Variants in FAXC observed in about 807,000 individuals in gnomAD.
FAXC encodes failed axon connections homolog.
FAXC carries 10 observed loss-of-function variants against 41.9 expected under a neutral mutation model. The observed-to-expected ratio is 0.24, with a 90% confidence interval of 0.15 to 0.41. The LOEUF is 0.41. FAXC is among the 10% of genes least tolerant of loss of function. The pLI, the probability that FAXC is intolerant of heterozygous loss-of-function variation, is 1.00. For missense variants in FAXC, 399 were observed against 510.9 expected (o/e 0.78, Z 2.11); for synonymous variants, 183 against 183.8 (o/e 1.00, Z 0.03).
At chr6:99,319,398 CAAA>C (rs57370118) in intron 4 of FAXC, among the ~76,000 whole-genome samples, 4 of 47,680 alleles carry the variant, frequency 8.4e-5, no homozygotes, top group Non-Finnish European at 9.6e-5. Context: ...GACTCCGTCT[CAAA>C]AAAAAAAAAA....
intron 1 of FAXC, among the ~76,000 whole-genome samples, chr6:99,345,841 C>T (rs542794582): frequency 1.3e-5 from 2 of 152,298 alleles, no homozygotes; most frequent in East Asian, 3.9e-4. Context: ...AGATAGCTGC[C>T]AAGCTATCTC....
At chr6:99,345,626 C>A (rs900482834) in intron 1 of FAXC, among the ~76,000 whole-genome samples, 1 of 152,146 alleles carries the variant, frequency 6.6e-6, no homozygotes, top group Non-Finnish European at 1.5e-5. Flanking sequence ...CTACTATTCC[C>A]GGGGCTAACG....
In FAXC at chr6:99,290,808, T is replaced by A. The variant is rs116729752; in HGVS notation, c.940+896A>T. ...GTCTTGAATTTTTTAGCTCTACTAGTTTTGCTTTTTTTTTTTAATTTAAGA... is the reference window on the plus strand; with the variant it reads ...GTCTTGAATTTTTTAGCTCTACTAGATTTGCTTTTTTTTTTTAATTTAAGA... On this transcript the variant is annotated intron_variant, in intron 5 of 5. Coordinates refer to ENST00000389677, the MANE Select transcript of FAXC (RefSeq NM_032511.4). Among the ~76,000 whole-genome samples the A allele has an allele frequency of 6.4e-3, 967 of 151,690 alleles. 8 individuals are homozygous for A. The highest frequency in any genetic ancestry group is 0.023 in the African/African-American group (947 of 41,360).
chr6:99,314,058 A>C (rs1772244256), intron 4 of FAXC, among the ~76,000 whole-genome samples: 1 of 152,124 alleles, frequency 6.6e-6, no homozygotes, highest in Non-Finnish European at 1.5e-5. Context: ...GGCTATTCAC[A>C]GTTGTAATCA....
At chr6:99,330,513 G>C (rs1185725658) in intron 3 of FAXC, among the ~76,000 whole-genome samples, 1 of 152,196 alleles carries the variant, frequency 6.6e-6, no homozygotes, top group Non-Finnish European at 1.5e-5. Context: ...AGCTGAGTGT[G>C]TTTATTTGAA....
chr6:99,347,107 T>TAA (rs71021726), intron 1 of FAXC, among the ~76,000 whole-genome samples: 1 of 149,462 alleles, frequency 6.7e-6, no homozygotes, highest in Non-Finnish European at 1.5e-5. Flanking sequence ...ACAAAAAAGT[T>TAA]AAAAAAAAAA....
Position 99,273,290 on chromosome 6 carries a change from AG to A in FAXC, c.*7873del, listed in dbSNP as rs1436736170. On this transcript the variant is annotated 3_prime_UTR_variant, in exon 6 of 6. Coordinates refer to ENST00000389677, the MANE Select transcript of FAXC (RefSeq NM_032511.4). Reference sequence around the variant, plus strand: ...TTCCTATCTCAGATACCTAAAAATAAGTCTGCACATCTTCCACACATTTGAA... The same window carrying A: ...TTCCTATCTCAGATACCTAAAAATAATCTGCACATCTTCCACACATTTGAA... 6.6e-6 allele frequency: 1 copy of A among 152,092 alleles called. No individual in the cohort carries two copies. The highest frequency in any genetic ancestry group is 1.5e-5 in the Non-Finnish European group (1 of 68,032). 9.4% of individuals were successfully genotyped at this position (152,092 alleles called of 1,614,324 possible).
intron 5 of FAXC, among the ~76,000 whole-genome samples, chr6:99,287,805 G>C (rs1434232843): frequency 6.6e-6 from 1 of 152,006 alleles, no homozygotes; most frequent in Non-Finnish European, 1.5e-5. Context: ...AAGAGGTTGA[G>C]AGCAAATTAC....
chr6:99,284,598 T>TGTGTGTGTGTGTGTGTGTGTGA (rs34495212), intron 5 of FAXC, among the ~76,000 whole-genome samples: 2 of 142,948 alleles, frequency 1.4e-5, no homozygotes, highest in South Asian at 2.3e-4. Flanking sequence ...TGTGTGTGTG[T>TGTGTGTGTGTGTGTGTGTGTGA]GATAAGCCTG....
chr6:99,275,147 CA>C lies in FAXC; in HGVS notation c.*6016del, dbSNP rs1010273649. On this transcript the variant is annotated 3_prime_UTR_variant, in exon 6 of 6. Transcript: ENST00000389677. ...TCTATTCCAGAGCCACAAATAAAAA[CA>C]AATAAATAAAAATAAATGCATGCCA... is the stretch of plus-strand genomic sequence containing the variant. The C allele has an allele frequency of 6.6e-6, 1 of 151,942 alleles. No individual in the cohort carries two copies. Among genetic ancestry groups the C allele is most frequent in the Non-Finnish European group, 1.5e-5 (1 of 67,964 alleles). The allele number at this position is 151,942 out of a possible 1,614,324, so 9.4% of individuals were successfully genotyped here. A position where few individuals can be genotyped will look rare whatever the true frequency, so the allele number is the denominator to read the frequency against.
At chr6:99,342,806 C>G in intron 2 of FAXC, 92 bp downstream of exon 2, 1 of 1,259,450 alleles carries the variant, frequency 7.9e-7, no homozygotes, top group East Asian at 2.4e-5. Flanking sequence ...CTCTGGCATC[C>G]ACTGTGTGAG....
rs895105802 is a variant in FAXC at position 99,275,690 on chromosome 6, C to T, written c.*5474G>A. 1.3e-5 allele frequency: 2 copies of T among 152,072 alleles called. No homozygotes were observed. Among genetic ancestry groups the T allele is most frequent in the African/African-American group, 4.8e-5 (2 of 41,412 alleles). 9.4% of individuals were successfully genotyped at this position (152,072 alleles called of 1,614,324 possible). A position where few individuals can be genotyped will look rare whatever the true frequency, so the allele number is the denominator to read the frequency against. ...AATCATCTCTAACTGGCAAGGCTAA[C>T]GTTGCTGGTTCCAGCAGTCTCATCT... is the stretch of plus-strand genomic sequence containing the variant. On this transcript the variant is annotated 3_prime_UTR_variant, in exon 6 of 6. Transcript: ENST00000389677.
chr6:99,327,150 A>G (rs886169697), intron 3 of FAXC, among the ~76,000 whole-genome samples: 5 of 152,108 alleles, frequency 3.3e-5, no homozygotes, highest in African/African-American at 1.2e-4. Context: ...TCTGTGCTCA[A>G]TATTATCGAC....
intron 5 of FAXC, among the ~76,000 whole-genome samples, chr6:99,285,861 T>C (rs1383673670): frequency 6.6e-6 from 1 of 152,190 alleles, no homozygotes; most frequent in East Asian, 1.9e-4. Context: ...TATTCCTGTA[T>C]TCCTCTAATT....
Position 99,280,112 on chromosome 6 carries a change from C to T in FAXC, c.*1052G>A, listed in dbSNP as rs1264057427. 1 of 152,228 alleles carries T rather than the reference C, an allele frequency of 6.6e-6. No individual in the cohort carries two copies. Among genetic ancestry groups the T allele is most frequent in the Non-Finnish European group, 1.5e-5 (1 of 68,040 alleles). 9.4% of individuals were successfully genotyped at this position (152,228 alleles called of 1,614,324 possible). A position where few individuals can be genotyped will look rare whatever the true frequency, so the allele number is the denominator to read the frequency against. On this transcript the variant is annotated 3_prime_UTR_variant, in exon 6 of 6. Coordinates refer to ENST00000389677, the MANE Select transcript of FAXC (RefSeq NM_032511.4). ...GCAACGTAACACTCTGGAGTCAACA[C>T]AGAACATGCCAGGGTGAGTTCAGGC...
At chr6:99,343,080 C>T (rs1773479674) in intron 1 of FAXC, 47 bp from the exon 2 acceptor site, 2 of 1,537,140 alleles carry the variant, frequency 1.3e-6, no homozygotes, top group East Asian at 2.3e-5. Flanking sequence ...ATGTTATCCA[C>T]ATTCGGTTCC....
chr6:99,282,841 C>T (rs1486000158), intron 5 of FAXC, among the ~76,000 whole-genome samples: 2 of 152,132 alleles, frequency 1.3e-5, no homozygotes, highest in African/African-American at 2.4e-5. Context: ...TACCAATAAT[C>T]GCATTCCCCA....
At chr6:99,292,448 A>G (rs1771283140) in intron 4 of FAXC, among the ~76,000 whole-genome samples, 2 of 152,130 alleles carry the variant, frequency 1.3e-5, no homozygotes, top group Non-Finnish European at 2.9e-5. Flanking sequence ...TACTGCTCCC[A>G]TCTCTCCATT....
intron 2 of FAXC, among the ~76,000 whole-genome samples, chr6:99,334,969 C>A (rs77762345): frequency 6.6e-6 from 1 of 152,146 alleles, no homozygotes; most frequent in East Asian, 1.9e-4. Flanking sequence ...GCACTCTTCA[C>A]CTTTTACAAG....
Sources: gnomAD v4.1 joint callset for allele counts (sites outside exome capture counted in the v4.1 genomes callset) on GRCh38, gnomAD v4.1.1 for gene constraint, MANE v1.5 for transcripts, NCBI Gene and HGNC (gene_info 2026-07-23, HGNC 2026-07-21) for gene names.